The following MACROD2 variants were observed in gnomAD, a reference collection of about 807,000 sequenced individuals.
The protein encoded by MACROD2 is mono-ADP ribosylhydrolase 2.
A neutral mutation model predicts 70.4 loss-of-function variants in MACROD2; 36 were observed. The observed-to-expected ratio is 0.51, with a 90% CI of 0.39 to 0.68. MACROD2 has a LOEUF of 0.68. MACROD2 is among the 30% of genes least tolerant of loss of function. MACROD2 has a pLI of 0.00. For synonymous variants in MACROD2, 172 were observed against 178.8 expected, an observed-to-expected ratio of 0.96 and a Z score of 0.30; for missense variants, 496 against 538.4, an observed-to-expected ratio of 0.92 and a Z score of 0.78.
intron 7 of MACROD2, among the ~76,000 whole-genome samples, chr20:15,476,672 A>T (rs62193894): frequency 0.05 from 7,640 of 152,176 alleles, 211 homozygotes; most frequent in East Asian, 0.085. Context: ...CAAAATAACT[A>T]TTCATTCAAT....
intron 4 of MACROD2, among the ~76,000 whole-genome samples, chr20:14,668,864 A>C (rs927421115): frequency 6.6e-6 from 1 of 152,164 alleles, no homozygotes; most frequent in African/African-American, 2.4e-5. Context: ...AAAAGGAGTA[A>C]AATTTCATCA....
chr20:14,621,367 A>T (rs1360468268), intron 4 of MACROD2, among the ~76,000 whole-genome samples: 1 of 152,064 alleles, frequency 6.6e-6, no homozygotes, highest in Non-Finnish European at 1.5e-5. Context: ...CCTGGAGAAA[A>T]TACTCAGTAG....
At chr20:14,793,033 T>C (rs1445946797) in intron 5 of MACROD2, among the ~76,000 whole-genome samples, 3 of 152,050 alleles carry the variant, frequency 2.0e-5, no homozygotes, top group Non-Finnish European at 2.9e-5. Flanking sequence ...TCTATCTTGT[T>C]TGTGGCAAGG....
chr20:14,643,512 A>C (rs1985205321), intron 4 of MACROD2, among the ~76,000 whole-genome samples: 1 of 152,232 alleles, frequency 6.6e-6, no homozygotes, highest in Non-Finnish European at 1.5e-5. Flanking sequence ...TCTATTTGAA[A>C]TTAAGACAGG....
At chr20:15,983,531 T>C (rs888284260) in intron 13 of MACROD2, among the ~76,000 whole-genome samples, 1 of 152,062 alleles carries the variant, frequency 6.6e-6, no homozygotes, top group African/African-American at 2.4e-5. Flanking sequence ...GTCTCCTCCT[T>C]GCTGTGAGAG....
chr20:14,117,165 G>A (rs187945909), intron 3 of MACROD2, among the ~76,000 whole-genome samples: 1 of 151,104 alleles, frequency 6.6e-6, no homozygotes, highest in East Asian at 1.9e-4. Context: ...TTTCCCTATC[G>A]CTTTATCTTT....
At chr20:14,220,343 TC>T (rs2081660383) in intron 3 of MACROD2, among the ~76,000 whole-genome samples, 1 of 151,976 alleles carries the variant, frequency 6.6e-6, no homozygotes, top group African/African-American at 2.4e-5. Flanking sequence ...CTCACCCAAC[TC>T]CCATGCAAAT....
At chr20:14,655,906 C>T (rs1985948789) in intron 4 of MACROD2, among the ~76,000 whole-genome samples, 1 of 152,104 alleles carries the variant, frequency 6.6e-6, no homozygotes, top group South Asian at 2.1e-4. Context: ...TTTTTATTTT[C>T]TGAGATGCCA....
At chr20:14,095,165 T>C (rs1288248976) in intron 3 of MACROD2, among the ~76,000 whole-genome samples, 1 of 152,126 alleles carries the variant, frequency 6.6e-6, no homozygotes, top group Admixed American at 6.6e-5. Flanking sequence ...GCACATAATC[T>C]AATATCAGTT....
chr20:14,904,968 T>A (rs2073941268), intron 5 of MACROD2: 1 of 152,166 alleles, frequency 6.6e-6, no homozygotes, highest in Non-Finnish European at 1.5e-5. Flanking sequence ...ATTTATTCGT[T>A]CCTTTGTTCC....
intron 6 of MACROD2, among the ~76,000 whole-genome samples, chr20:15,257,641 T>G (rs779465469): frequency 2.0e-5 from 3 of 152,076 alleles, no homozygotes; most frequent in Non-Finnish European, 2.9e-5. Flanking sequence ...TCATGTGTTT[T>G]TGGTGATGCT....
intron 5 of MACROD2, among the ~76,000 whole-genome samples, chr20:15,029,058 G>C (rs886451282): frequency 1.3e-5 from 2 of 152,120 alleles, no homozygotes; most frequent in Non-Finnish European, 2.9e-5. Flanking sequence ...GGCTCACAGG[G>C]CATGGGGAGC....
At chr20:15,182,512 A>C (rs946310276) in intron 5 of MACROD2, among the ~76,000 whole-genome samples, 5 of 152,194 alleles carry the variant, frequency 3.3e-5, no homozygotes, top group Non-Finnish European at 7.3e-5. Context: ...AGGATATTCT[A>C]ATCTTGGCTC....
intron 5 of MACROD2, among the ~76,000 whole-genome samples, chr20:15,221,877 T>C (rs2076864803): frequency 6.6e-6 from 1 of 152,218 alleles, no homozygotes; most frequent in African/African-American, 2.4e-5. Context: ...GAGCTGAAAG[T>C]ATGCATTTGA....
chr20:14,007,693 A>G (rs1366532989), intron 2 of MACROD2, among the ~76,000 whole-genome samples: 1 of 152,084 alleles, frequency 6.6e-6, no homozygotes, highest in African/African-American at 2.4e-5. Flanking sequence ...CTCCTTTCCT[A>G]CTACTGTGTT....
chr20:15,419,645 G>A (rs6079811), intron 6 of MACROD2, among the ~76,000 whole-genome samples: 28,785 of 152,144 alleles, frequency 0.19, 2,989 homozygotes, highest in Non-Finnish European at 0.25. Context: ...TTTTAGTCTC[G>A]AGTGGGTAAT....
At chr20:14,783,142 A>G (rs554594836) in intron 5 of MACROD2, among the ~76,000 whole-genome samples, 1 of 152,308 alleles carries the variant, frequency 6.6e-6, no homozygotes, top group East Asian at 1.9e-4. Context: ...TTGTAAAAGT[A>G]TATAACAATT....
chr20:14,468,459 A>AT (rs1280839908), intron 3 of MACROD2, among the ~76,000 whole-genome samples: 19 of 52,066 alleles, frequency 3.6e-4, no homozygotes, highest in African/African-American at 1.3e-3. Context: ...TTTGCTTTCC[A>AT]TTTTTTTGGG....
At chr20:14,818,322 G>A (rs1040743) in intron 5 of MACROD2, among the ~76,000 whole-genome samples, 14,409 of 151,940 alleles carry the variant, frequency 0.095, 997 homozygotes, top group East Asian at 0.21. Context: ...CATTTACTTC[G>A]TCTACTATGA....
Sources: gnomAD v4.1 joint callset for allele counts (sites outside exome capture counted in the v4.1 genomes callset) on GRCh38, gnomAD v4.1.1 for gene constraint, MANE v1.5 for transcripts, NCBI Gene and HGNC (gene_info 2026-07-23, HGNC 2026-07-21) for gene names.